Variants in STX8 observed in about 807,000 individuals in gnomAD.
The protein encoded by STX8 is syntaxin-8.
A neutral mutation model predicts 37.5 loss-of-function variants in STX8; 23 were observed. The observed-to-expected ratio is 0.61, with a 90% CI of 0.44 to 0.87. The LOEUF (loss-of-function observed/expected upper bound fraction) is 0.87, where lower values mean the gene tolerates loss of function less well. Ranked by LOEUF, STX8 falls within the 40% of genes least tolerant of loss-of-function variation. The pLI, the probability that STX8 is intolerant of heterozygous loss-of-function variation, is 0.00. For missense variants in STX8, 313 were observed against 284.7 expected (o/e 1.10, Z -0.71); for synonymous variants, 115 against 99.1 (o/e 1.16, Z -0.95).
intron 4 of STX8, among the ~76,000 whole-genome samples, chr17:9,523,954 G>A (rs377356231): frequency 2.0e-5 from 3 of 152,136 alleles, no homozygotes; most frequent in East Asian, 3.8e-4. Context: ...CACCTACATC[G>A]TCCATTTTTC....
In STX8 at chr17:9,292,969, C is replaced by G. The variant is rs77728971; in HGVS notation, c.644-42324G>C. Among the ~76,000 whole-genome samples, 164 of 152,218 alleles carry G rather than the reference C, an allele frequency of 1.1e-3. 5 individuals are homozygous for G. The East Asian group carries it at 0.029, about 27-fold the overall frequency. On this transcript the variant is annotated intron_variant, in intron 7 of 7. Coordinates refer to ENST00000306357, the MANE Select transcript of STX8 (RefSeq NM_004853.3). ...TTATTTTCAAGACAGATTAAAGTAA[C>G]CTGACAGAAAATAGAACAAAACATG...
rs183979951 is a variant in STX8, at chr17:9,330,980, G to A, written c.643+47572C>T. ...TTCTCTTTTTAAATATAGAAAGCCA[G>A]GCCTCCGGCGCCAACTCTTCAACCC... On this transcript the variant is annotated intron_variant, in intron 7 of 7. Coordinates refer to ENST00000306357, the MANE Select transcript of STX8 (RefSeq NM_004853.3). Among the ~76,000 whole-genome samples, 16 of 152,304 alleles carry A rather than the reference G, an allele frequency of 1.1e-4. No individual in the cohort carries two copies. The East Asian group carries it at 3.1e-3, about 29-fold the overall frequency.
chr17:9,335,103 C>A (rs1412238482), intron 7 of STX8, among the ~76,000 whole-genome samples: 1 of 152,142 alleles, frequency 6.6e-6, no homozygotes, highest in Non-Finnish European at 1.5e-5. Flanking sequence ...ATTCACCCCA[C>A]CACTCTGACT....
At chr17:9,534,512 C>G (rs963298518) in intron 4 of STX8, among the ~76,000 whole-genome samples, 9 of 152,044 alleles carry the variant, frequency 5.9e-5, no homozygotes, top group Non-Finnish European at 1.0e-4. Context: ...AAAACTCGGC[C>G]AGGCGTGGTG....
intron 5 of STX8, among the ~76,000 whole-genome samples, chr17:9,503,285 G>T (rs1183399309): frequency 6.6e-6 from 1 of 152,056 alleles, no homozygotes; most frequent in African/African-American, 2.4e-5. Flanking sequence ...GTGACAGAAA[G>T]AAGTTCAGCA....
chr17:9,267,282 G>A (rs970509696), intron 7 of STX8, among the ~76,000 whole-genome samples: 1 of 152,172 alleles, frequency 6.6e-6, no homozygotes, highest in Non-Finnish European at 1.5e-5. Context: ...GAGACAAAAA[G>A]AGAGAAAATG....
At chr17:9,573,254 C>CA in intron 1 of STX8, among the ~76,000 whole-genome samples, 1 of 152,224 alleles carries the variant, frequency 6.6e-6, no homozygotes, top group East Asian at 1.9e-4. Flanking sequence ...GCATTAACGT[C>CA]AATACAGACC....
At chr17:9,264,896 T>G (rs1449370098) in intron 7 of STX8, among the ~76,000 whole-genome samples, 8 of 151,976 alleles carry the variant, frequency 5.3e-5, no homozygotes, top group Non-Finnish European at 1.0e-4. Flanking sequence ...GGAGGATCTC[T>G]TGGGCCCAGG....
At chr17:9,573,089 C>A (rs867157987) in intron 1 of STX8, among the ~76,000 whole-genome samples, 14 of 121,684 alleles carry the variant, frequency 1.2e-4, no homozygotes, top group Middle Eastern at 4.5e-3. Flanking sequence ...CACCCCCCCC[C>A]ACCCCCGCAA....
intron 7 of STX8, among the ~76,000 whole-genome samples, chr17:9,330,858 G>C (rs1597608745): frequency 6.6e-6 from 1 of 152,324 alleles, no homozygotes; most frequent in East Asian, 1.9e-4. Flanking sequence ...GTGAAAGACA[G>C]ATCCCGCTTA....
chr17:9,393,658 G>C (rs1357276979), intron 6 of STX8, among the ~76,000 whole-genome samples: 1 of 152,070 alleles, frequency 6.6e-6, no homozygotes, highest in Non-Finnish European at 1.5e-5. Context: ...GTCATCCCTA[G>C]TTACCACTAA....
chr17:9,378,177 T>C (rs1911666459), intron 7 of STX8: 2 of 170,234 alleles, frequency 1.2e-5, no homozygotes, highest in Non-Finnish European at 2.5e-5. Context: ...TCACTAAACA[T>C]AGGATTTGAA....
chr17:9,478,548 T>C (rs1406626939), intron 6 of STX8, among the ~76,000 whole-genome samples: 1 of 152,210 alleles, frequency 6.6e-6, no homozygotes, highest in African/African-American at 2.4e-5. Flanking sequence ...AGCATAAATG[T>C]TTCCTGACTG....
chr17:9,527,318 C>T (rs1048494252), intron 4 of STX8, among the ~76,000 whole-genome samples: 1 of 151,712 alleles, frequency 6.6e-6, no homozygotes, highest in Admixed American at 6.6e-5. Context: ...GTGGCATGTG[C>T]CTGTGGTCCC....
chr17:9,270,816 A>G (rs1011670016), intron 7 of STX8, among the ~76,000 whole-genome samples: 4 of 152,376 alleles, frequency 2.6e-5, no homozygotes, highest in African/African-American at 9.6e-5. Flanking sequence ...CATTAGTGAT[A>G]TGAATTTAAA....
intron 2 of STX8, among the ~76,000 whole-genome samples, chr17:9,567,968 G>A (rs1305328198): frequency 6.6e-6 from 1 of 152,168 alleles, no homozygotes; most frequent in African/African-American, 2.4e-5. Flanking sequence ...TTACAGGTGT[G>A]AGCCACTATG....
intron 7 of STX8, among the ~76,000 whole-genome samples, chr17:9,340,649 ATTTTTTTTTT>A (rs66679333): frequency 6.4e-5 from 4 of 62,112 alleles, no homozygotes; most frequent in Non-Finnish European, 1.1e-4. Context: ...GTTGCACTTG[ATTTTTTTTTT>A]TTTTTTTTTT....
At chr17:9,261,564 G>A (rs769023337) in intron 7 of STX8, among the ~76,000 whole-genome samples, 2 of 152,124 alleles carry the variant, frequency 1.3e-5, no homozygotes, top group African/African-American at 2.4e-5. Flanking sequence ...AAACTCTGCC[G>A]CTATTGTCGC....
At chr17:9,569,095 C>T (rs2151919128) in intron 1 of STX8, among the ~76,000 whole-genome samples, 1 of 152,290 alleles carries the variant, frequency 6.6e-6, no homozygotes, top group East Asian at 1.9e-4. Flanking sequence ...AAACCAAGGC[C>T]GTCTGGCCCC....
Sources: gnomAD v4.1 joint callset for allele counts (sites outside exome capture counted in the v4.1 genomes callset) on GRCh38, gnomAD v4.1.1 for gene constraint, MANE v1.5 for transcripts, NCBI Gene and HGNC (gene_info 2026-07-23, HGNC 2026-07-21) for gene names.